RNF130: variants seen among roughly 807,000 people sequenced by gnomAD.
RNF130 encodes the protein E3 ubiquitin-protein ligase RNF130.
A neutral mutation model predicts 44.6 loss-of-function variants in RNF130; 21 were observed. The ratio of observed to expected loss-of-function variants is 0.47; its 90% CI spans 0.33 to 0.68. The LOEUF (loss-of-function observed/expected upper bound fraction) is 0.68, where lower values mean the gene tolerates loss of function less well. Ranked by LOEUF, RNF130 falls within the 30% of genes least tolerant of loss-of-function variation. The pLI, the probability that RNF130 is intolerant of heterozygous loss-of-function variation, is 0.02. For synonymous variants in RNF130, 214 were observed against 210.4 expected (o/e 1.02, Z -0.15); for missense variants, 479 against 560.6 (o/e 0.85, Z 1.47).
rs1218296528 is a variant in RNF130, at chr5:180,027,311, T to C, written c.442+13142A>G. Among the ~76,000 whole-genome samples the C allele has an allele frequency of 2.0e-5, 3 of 152,162 alleles. No homozygotes were observed. In the East Asian group the frequency reaches 5.8e-4, roughly 29 times the overall value. ...GCCCTACAGGGTGAGAAGGGTTATC[T>C]GTGGAGGAAGGGAACTGAGTAACAC... On this transcript the variant is annotated intron_variant, in intron 2 of 8. Transcript: ENST00000521389.
chr5:179,998,978 G>T (rs1169357306), intron 3 of RNF130, among the ~76,000 whole-genome samples: 1 of 147,598 alleles, frequency 6.8e-6, no homozygotes, highest in Non-Finnish European at 1.5e-5. Flanking sequence ...ATTATATTAT[G>T]ATCTTCTTTG....
chr5:179,952,270 CAAAA>C (rs1561666862), downstream of RNF130, among the ~76,000 whole-genome samples: 2 of 151,782 alleles, frequency 1.3e-5, no homozygotes, highest in Non-Finnish European at 2.9e-5. Flanking sequence ...ATCAATAAAA[CAAAA>C]AAGGATAAAT....
At chr5:180,044,614 A>G (rs1764512968) in intron 1 of RNF130, among the ~76,000 whole-genome samples, 1 of 152,128 alleles carries the variant, frequency 6.6e-6, no homozygotes, top group Admixed American at 6.6e-5. Flanking sequence ...TGGACAGATC[A>G]TGGGGTCATG....
intron 3 of RNF130, among the ~76,000 whole-genome samples, chr5:180,012,304 C>T (rs1708125977): frequency 6.6e-6 from 1 of 152,162 alleles, no homozygotes; most frequent in Non-Finnish European, 1.5e-5. Flanking sequence ...AAACTGGCTT[C>T]AAATCACTCT....
chr5:180,040,230 C>G (rs1764373620), intron 2 of RNF130, among the ~76,000 whole-genome samples: 1 of 152,076 alleles, frequency 6.6e-6, no homozygotes, highest in South Asian at 2.1e-4. Context: ...TTAATCACAG[C>G]CAGTTATTTA....
At chr5:180,071,380 G>A (rs1765258714) in intron 1 of RNF130, 76 bp downstream of exon 1, 2 of 1,211,896 alleles carry the variant, frequency 1.7e-6, no homozygotes, top group South Asian at 8.3e-5. Flanking sequence ...GGCCAGAGCC[G>A]GGGCCGGGAA....
At chr5:179,998,859 T>TTATATATATATATATATATATATATA (rs61232613) in intron 3 of RNF130, among the ~76,000 whole-genome samples, 20 of 88,718 alleles carry the variant, frequency 2.3e-4, no homozygotes, top group South Asian at 6.1e-4. Flanking sequence ...CTAGTATTTT[T>TTATATATATATATATATATATATATA]TATATATATA....
At chr5:180,068,594 C>T (rs1472424774) in intron 1 of RNF130, among the ~76,000 whole-genome samples, 4 of 152,180 alleles carry the variant, frequency 2.6e-5, no homozygotes, top group Non-Finnish European at 5.9e-5. Context: ...TGACTATTTG[C>T]TCTTTAAAGG....
intron 3 of RNF130, among the ~76,000 whole-genome samples, chr5:180,010,627 C>T (rs1365053122): frequency 2.0e-5 from 3 of 152,016 alleles, no homozygotes; most frequent in African/African-American, 7.2e-5. Context: ...CCCAAAGTGC[C>T]GGGATTACAG....
intron 1 of RNF130, among the ~76,000 whole-genome samples, chr5:180,068,858 T>C (rs370935438): frequency 1.8e-4 from 27 of 152,228 alleles, no homozygotes; most frequent in African/African-American, 6.5e-4. Flanking sequence ...CTGATAACTT[T>C]GTGTGTAATC....
intron 3 of RNF130, among the ~76,000 whole-genome samples, chr5:180,002,873 C>T (rs1320847639): frequency 6.6e-6 from 1 of 151,994 alleles, no homozygotes; most frequent in Non-Finnish European, 1.5e-5. Flanking sequence ...AGGACAAGTT[C>T]TAAGGATTTC....
At chr5:179,975,497 C>T (rs1349788331) in intron 5 of RNF130, among the ~76,000 whole-genome samples, 1 of 152,306 alleles carries the variant, frequency 6.6e-6, no homozygotes, top group Middle Eastern at 3.4e-3. Context: ...TCACAAGTAC[C>T]GCTTGATGTG....
intron 5 of RNF130, among the ~76,000 whole-genome samples, chr5:179,973,621 C>T (rs921745345): frequency 2.2e-4 from 33 of 152,320 alleles, no homozygotes; most frequent in African/African-American, 4.1e-4. Flanking sequence ...TGGCCATTCC[C>T]GCACGCCTGA....
rs1311436000 is a variant in RNF130 at position 180,003,700 on chromosome 5, T to A, written c.693+9361A>T. ...TCTAAAAGCCACTATTTTTTTAAAA[T>A]TTTTCATTCTAAGTCTATTTGCATC... is the stretch of plus-strand genomic sequence containing the variant. On this transcript the variant is annotated intron_variant, in intron 3 of 8. Coordinates refer to ENST00000521389, the MANE Select transcript of RNF130 (RefSeq NM_018434.6). Among the ~76,000 whole-genome samples the A allele has an allele frequency of 4.6e-5, 7 of 152,264 alleles. No individual in the cohort carries two copies. The South Asian group carries it at 6.2e-4, about 14-fold the overall frequency.
At chr5:179,986,918 CA>C (rs1762967036) in intron 3 of RNF130, among the ~76,000 whole-genome samples, 1 of 152,050 alleles carries the variant, frequency 6.6e-6, no homozygotes, top group Non-Finnish European at 1.5e-5. Context: ...GTGACTATTG[CA>C]AATAGGACTG....
chr5:179,952,125 G>A (rs1032019709), downstream of RNF130, among the ~76,000 whole-genome samples: 11 of 152,110 alleles, frequency 7.2e-5, no homozygotes, highest in East Asian at 1.9e-4. Context: ...TGGAGCCAGG[G>A]AGTTCAAGGC....
intron 3 of RNF130, among the ~76,000 whole-genome samples, chr5:180,010,422 CGATCATG>C (rs1763565834): frequency 6.6e-6 from 1 of 151,844 alleles, no homozygotes; most frequent in African/African-American, 2.4e-5. Flanking sequence ...TGCAGTGGTA[CGATCATG>C]GCTCACTGCA....
chr5:179,967,530 A>G (rs557112445), intron 6 of RNF130, among the ~76,000 whole-genome samples: 1 of 152,264 alleles, frequency 6.6e-6, no homozygotes. Flanking sequence ...CTTTTGAACT[A>G]TAAGAAAATG....
downstream of RNF130, among the ~76,000 whole-genome samples, chr5:179,950,562 T>C (rs968769960): frequency 6.6e-6 from 1 of 152,242 alleles, no homozygotes; most frequent in Non-Finnish European, 1.5e-5. Flanking sequence ...ATTAATAATG[T>C]CTGTTAAATT....
Sources: allele counts gnomAD v4.1 joint callset (sites outside exome capture counted in the v4.1 genomes callset), GRCh38; gene constraint gnomAD v4.1.1; transcripts MANE v1.5; gene names NCBI Gene and HGNC (gene_info 2026-07-23, HGNC 2026-07-21).